PHKA2: variants seen among roughly 807,000 people sequenced by gnomAD.
PHKA2 encodes phosphorylase kinase regulatory subunit alpha 2, also known as phosphorylase b kinase regulatory subunit alpha, liver isoform.
PHKA2 carries 31 observed loss-of-function variants against 102.0 expected under a neutral mutation model. The ratio of observed to expected loss-of-function variants is 0.30; its 90% CI spans 0.23 to 0.41. PHKA2 has a LOEUF of 0.41. PHKA2 is among the 10% of genes least tolerant of loss of function. The probability of loss-of-function intolerance (pLI) is 1.00; values close to 1 mark genes in which losing one functional copy is unlikely to be tolerated. For synonymous variants in PHKA2, 455 were observed against 416.2 expected (o/e 1.09, Z -1.13); for missense variants, 858 against 1,023.1 (o/e 0.84, Z 2.20).
intron 4 of PHKA2, among the ~76,000 whole-genome samples, chrX:18,949,615 GTT>G (rs918993390): frequency 8.9e-6 from 1 of 112,144 alleles, no homozygotes; most frequent in Non-Finnish European, 1.9e-5. Context: ...CTAAAATAAT[GTT>G]TATGAAGAGC....
chrX:18,931,904 C>T lies in PHKA2; in HGVS notation c.1138-156G>A, dbSNP rs112088757. Among the ~76,000 whole-genome samples, 621 of 112,561 alleles carry T rather than the reference C, an allele frequency of 5.5e-3. 2 individuals are homozygous for T. Among genetic ancestry groups the T allele is most frequent in the African/African-American group, 0.019 (588 of 30,964 alleles). The stretch of plus-strand genomic sequence containing the variant: ...GAGGCTGGGGAGCAAGCCCCTTCCT[C>T]GGGGCTGCAAGGCTACAAAGCAGCG... On this transcript the variant is annotated intron_variant, in intron 11 of 32. Coordinates refer to ENST00000379942, the MANE Select transcript of PHKA2 (RefSeq NM_000292.3).
rs1409457133 is a variant in PHKA2, at chrX:18,938,675, A to C, written c.993T>G (p.Phe331Leu). Residue 331 changes from phenylalanine to leucine, a missense_variant, in exon 10 of 33, where the codon TTT becomes TTG. By Grantham distance (22) the Phe-to-Leu change is conservative (BLOSUM62 0). Coordinates refer to ENST00000379942, the MANE Select transcript of PHKA2 (RefSeq NM_000292.3). ...CTCCATCTATTATAAAATATGTCCAAAACACAGGCCACTCACATTCAATGT... is the reference window on the plus strand; with the variant it reads ...CTCCATCTATTATAAAATATGTCCACAACACAGGCCACTCACATTCAATGT... ...FENIECEWPV[F>L]WTYFIIDGVF... The C allele has an allele frequency of 1.7e-5, 20 of 1,204,410 alleles. No homozygotes were observed. Among genetic ancestry groups the C allele is most frequent in the Non-Finnish European group, 2.3e-5 (20 of 888,463 alleles).
intron 30 of PHKA2, chrX:18,896,143 C>G (rs987654236): frequency 2.7e-5 from 3 of 111,638 alleles, no homozygotes; most frequent in Non-Finnish European, 5.6e-5. Flanking sequence ...CTCTTCTCTC[C>G]CACTGTGAAA....
intron 12 of PHKA2, among the ~76,000 whole-genome samples, chrX:18,930,635 G>A (rs2048298026): frequency 9.0e-6 from 1 of 111,401 alleles, no homozygotes; most frequent in Non-Finnish European, 1.9e-5. Context: ...CGGGATCAGA[G>A]AACTAGTGAG....
intron 1 of PHKA2, among the ~76,000 whole-genome samples, chrX:18,959,328 A>G (rs1326986899): frequency 8.9e-6 from 1 of 112,317 alleles, no homozygotes; most frequent in African/African-American, 3.2e-5. Flanking sequence ...GGCTTTCATT[A>G]GCATTATTTC....
chrX:18,906,105 A>G lies in PHKA2; in HGVS notation c.2807-246T>C, dbSNP rs112259258. Among the ~76,000 whole-genome samples, 584 of 112,248 alleles carry G rather than the reference A, an allele frequency of 5.2e-3. 6 individuals are homozygous for G. Among genetic ancestry groups the G allele is most frequent in the African/African-American group, 0.018 (546 of 30,905 alleles). ...GATGTTTCACAATGTATGATCCCCAACGTTGGATGTCTCATGATGGATTTT... is the reference window on the plus strand; with the variant it reads ...GATGTTTCACAATGTATGATCCCCAGCGTTGGATGTCTCATGATGGATTTT... On this transcript the variant is annotated intron_variant, in intron 25 of 32. Coordinates refer to ENST00000379942, the MANE Select transcript of PHKA2 (RefSeq NM_000292.3).
chrX:18,973,012 G>A (rs1169647794), intron 1 of PHKA2, among the ~76,000 whole-genome samples: 1 of 112,022 alleles, frequency 8.9e-6, no homozygotes, highest in African/African-American at 3.2e-5. Context: ...TCTAAGAGGT[G>A]CTTTTTCTGA....
rs757718008 is a variant in PHKA2 at position 18,924,125 on chromosome X, C to T, written c.1724G>A (p.Gly575Asp). The T allele has an allele frequency of 5.8e-5, 69 of 1,199,497 alleles. 1 individual carries two copies. The highest frequency in any genetic ancestry group is 2.3e-4 in the Middle Eastern group (1 of 4,350). The change falls in exon 17 of 33, where the codon GGC becomes GAC. Residue 575 changes from glycine to aspartate, a missense_variant. Gly to Asp is a moderately conservative substitution (Grantham distance 94). This residue lies in a region of PHKA2 where 671 missense variants were observed against 745.2 expected (regional missense o/e 0.90). Coordinates refer to ENST00000379942, the MANE Select transcript of PHKA2 (RefSeq NM_000292.3). ...PISRTMLTND[G>D]SDIHSAVLST... ...GAGCACAGCAGAATGAATGTCTGAG[C>T]CATCATTTGCTAAGGAAAAAAAGTG... is the stretch of plus-strand genomic sequence containing the variant.
In PHKA2 at chrX:18,941,623, G is replaced by A; in HGVS notation, c.770C>T (p.Ala257Val). Residue 257 changes from alanine to valine, a missense_variant, in exon 8 of 33, where the codon GCT becomes GTT. Transcript: ENST00000379942. ...PRASTSKEID[A>V]GLLSIISFPA... ...GAAGGAAATAATGGAAAGAAGTCCA[G>A]CATCAATTTCTTTAGATGTCGACGC... The A allele has an allele frequency of 8.6e-7, 1 of 1,162,195 alleles. No individual in the cohort carries two copies. Among genetic ancestry groups the A allele is most frequent in the East Asian group, 3.0e-5 (1 of 33,680 alleles).
At chrX:18,935,017 C>A (rs768067208) in intron 11 of PHKA2, among the ~76,000 whole-genome samples, 2 of 112,512 alleles carry the variant, frequency 1.8e-5, no homozygotes, top group South Asian at 7.2e-4. Context: ...ACACCTAAAC[C>A]CAAGTTGCCA....
At chrX:18,953,405 G>T (rs182811170) in intron 2 of PHKA2, among the ~76,000 whole-genome samples, 64 of 111,916 alleles carry the variant, frequency 5.7e-4, no homozygotes, top group African/African-American at 1.9e-3. Flanking sequence ...AAATTAAAGG[G>T]TGACCATAAA....
Position 18,893,328 on chromosome X carries a change from TCA to T in PHKA2, c.*155_*156del, listed in dbSNP as rs749062601. 16 of 549,965 alleles carry T rather than the reference TCA, an allele frequency of 2.9e-5. No homozygotes were observed. The South Asian group carries it at 4.0e-4, about 14-fold the overall frequency. The allele number at this position is 549,965 out of a possible 1,213,427, so 45.3% of individuals were successfully genotyped here. ...TCTATCTCTGTGGCTTTAACATACA[TCA>T]GTTTCAGGGTGAGTGCTACCATTGC... On this transcript the variant is annotated 3_prime_UTR_variant, in exon 33 of 33. Coordinates refer to ENST00000379942, the MANE Select transcript of PHKA2 (RefSeq NM_000292.3).
intron 19 of PHKA2, among the ~76,000 whole-genome samples, chrX:18,914,035 T>C (rs1052982681): frequency 2.7e-5 from 3 of 112,796 alleles, no homozygotes; most frequent in African/African-American, 9.7e-5. Context: ...AACATACTTA[T>C]GTATTATCAA....
chrX:18,895,428 C>T (rs1031253549), intron 30 of PHKA2: 6 of 435,489 alleles, frequency 1.4e-5, no homozygotes, highest in Non-Finnish European at 2.0e-5. Context: ...CTCCCCCGAA[C>T]AATGCCCTAG....
At chrX:18,932,095 T>G (rs988431170) in intron 11 of PHKA2, among the ~76,000 whole-genome samples, 1 of 112,407 alleles carries the variant, frequency 8.9e-6, no homozygotes, top group African/African-American at 3.2e-5. Flanking sequence ...GGTGAAATGA[T>G]GGAAAACATC....
At chrX:18,943,607 C>T (rs1266891957) in intron 7 of PHKA2, 103 bp downstream of exon 7, 1 of 672,169 alleles carries the variant, frequency 1.5e-6, no homozygotes, top group Non-Finnish European at 2.5e-6. Context: ...CTCAAAGAAG[C>T]AAAGTATCAC....
At position 18,952,551 on chromosome X, in the gene PHKA2, TA is replaced by T. The variant is rs754866293; in HGVS notation, c.238-11del. The T allele has an allele frequency of 8.3e-7, 1 of 1,207,608 alleles. No homozygotes were observed. The highest frequency in any genetic ancestry group is 1.8e-5 in the South Asian group (1 of 56,848). On this transcript the variant is annotated splice_polypyrimidine_tract_variant and intron_variant, in intron 2 of 32. Transcript: ENST00000379942. ...TCAGCTTCACCACGTTCTGTGGAGA[TA>T]AAGCAGAATCAGCAACACGGCCCAG... is the stretch of plus-strand genomic sequence containing the variant.
At chrX:18,896,628 ACTC>A in intron 30 of PHKA2, 1 of 164,771 alleles carries the variant, frequency 6.1e-6, no homozygotes, top group South Asian at 1.3e-4. Context: ...CAGGGACACT[ACTC>A]CTGCCTGGAT....
intron 22 of PHKA2, 113 bp downstream of exon 22, chrX:18,907,787 T>C (rs2047847992): frequency 7.0e-6 from 6 of 857,519 alleles, no homozygotes; most frequent in Non-Finnish European, 1.0e-5. Context: ...ACCTGTGGGT[T>C]AAAGAATGGG....
Sources: gnomAD v4.1 joint callset for allele counts (sites outside exome capture counted in the v4.1 genomes callset) on GRCh38, gnomAD v4.1.1 for gene constraint, gnomAD v4.1.1 regional missense constraint, MANE v1.5 for transcripts, NCBI Gene and HGNC (gene_info 2026-07-23, HGNC 2026-07-21) for gene names.